NETO2: variants seen among roughly 807,000 people sequenced by gnomAD.
NETO2 encodes the protein neuropilin and tolloid-like protein 2.
In NETO2, 28 loss-of-function variants were observed where a neutral mutation model predicts 62.5. The ratio of observed to expected loss-of-function variants is 0.45; its 90% CI spans 0.33 to 0.61. The LOEUF is 0.61. NETO2 is among the 20% of genes least tolerant of loss of function. The pLI, the probability that NETO2 is intolerant of heterozygous loss-of-function variation, is 0.02. For missense variants in NETO2, 548 were observed against 643.2 expected (o/e 0.85, Z 1.60); for synonymous variants, 214 against 219.1 (o/e 0.98, Z 0.21).
intron 1 of NETO2, among the ~76,000 whole-genome samples, chr16:47,140,657 A>G (rs1016401883): frequency 1.3e-5 from 2 of 152,228 alleles, no homozygotes; most frequent in African/African-American, 4.8e-5. Context: ...AACCCCTGGA[A>G]GGAAAAGCCA....
intron 7 of NETO2, among the ~76,000 whole-genome samples, chr16:47,090,136 A>C (rs1963282719): frequency 6.6e-6 from 1 of 152,090 alleles, no homozygotes; most frequent in Non-Finnish European, 1.5e-5. Context: ...GCTCTTTATA[A>C]CTTCAAAGGT....
intron 1 of NETO2, among the ~76,000 whole-genome samples, chr16:47,140,940 T>A (rs1366227967): frequency 6.6e-6 from 1 of 152,220 alleles, no homozygotes; most frequent in Non-Finnish European, 1.5e-5. Context: ...AAAAATGGAT[T>A]TATAATCCTC....
intron 1 of NETO2, among the ~76,000 whole-genome samples, chr16:47,135,173 T>C (rs1224259698): frequency 6.6e-6 from 1 of 152,248 alleles, no homozygotes; most frequent in East Asian, 1.9e-4. Context: ...AAGGTCTTTG[T>C]ACACTGCTTG....
rs919463699 is a variant in NETO2, at chr16:47,080,749, G to A, written c.*2472C>T. 3 of 152,092 alleles carry A rather than the reference G, an allele frequency of 2.0e-5. No individual in the cohort carries two copies. The highest frequency in any genetic ancestry group is 2.0e-4 in the Admixed American group (3 of 15,266). The allele number at this position is 152,092 out of a possible 1,614,324, so 9.4% of individuals were successfully genotyped here. On this transcript the variant is annotated 3_prime_UTR_variant, in exon 9 of 9. Transcript: ENST00000562435. ...TGACCCTAAACCAATGTTCCTAGAC[G>A]ACATTAAGTTGTGCCTTCACTGGGT...
Position 47,083,262 on chromosome 16 carries a change from G to A in NETO2, c.1537C>T (p.Arg513Ter), listed in dbSNP as rs777279280. 1.2e-5 allele frequency: 19 copies of A among 1,613,566 alleles called. No individual in the cohort carries two copies. Among genetic ancestry groups the A allele is most frequent in the East Asian group, 2.2e-5 (1 of 44,882 alleles). The change falls in exon 9 of 9, where the codon CGA becomes TGA. Residue 513 changes from arginine to a stop codon, truncating the protein, a stop_gained. Transcript: ENST00000562435. LOFTEE classifies it high-confidence loss of function. ...ATGGATGCTTGTGCAGAATCTTCTC[G>A]CCCCCTGACATAAATTTCACAGGGA... The part of the protein sequence containing the change: ...EIPCEIYVRG[R>*]EDSAQASISI...
chr16:47,130,218 G>A (rs1964237098), intron 2 of NETO2, among the ~76,000 whole-genome samples: 1 of 152,168 alleles, frequency 6.6e-6, no homozygotes, highest in South Asian at 2.1e-4. Context: ...CAGATATTGA[G>A]CCTTTAAGCA....
At chr16:47,101,265 G>C (rs1281258376) in intron 7 of NETO2, among the ~76,000 whole-genome samples, 1 of 152,096 alleles carries the variant, frequency 6.6e-6, no homozygotes, top group South Asian at 2.1e-4. Flanking sequence ...CAATAAACCA[G>C]GTATTGATGG....
At position 47,087,175 on chromosome 16, in the gene NETO2, C is replaced by T. The variant is rs797002447; in HGVS notation, c.884-836G>A. On this transcript the variant is annotated intron_variant, in intron 7 of 8. Coordinates refer to ENST00000562435, the MANE Select transcript of NETO2 (RefSeq NM_018092.5). ...TCCAGAGTAGCTGGGACTACAGGCA[C>T]GAGCCATGCCTGGCTAATTTTTGTA... Among the ~76,000 whole-genome samples the T allele has an allele frequency of 7.9e-4, 120 of 152,000 alleles. 1 individual carries two copies. Among genetic ancestry groups the T allele is most frequent in the African/African-American group, 2.4e-3 (98 of 41,472 alleles).
intron 7 of NETO2, among the ~76,000 whole-genome samples, chr16:47,095,160 G>A (rs542609751): frequency 6.6e-6 from 1 of 152,100 alleles, no homozygotes; most frequent in East Asian, 1.9e-4. Context: ...AACTTAAGCA[G>A]TTCATAAAAA....
In NETO2 at chr16:47,078,289, T is replaced by C. The variant is rs1053671365; in HGVS notation, c.*4932A>G. 9.9e-5 allele frequency: 15 copies of C among 152,212 alleles called. No individual in the cohort carries two copies. The highest frequency in any genetic ancestry group is 2.9e-4 in the African/African-American group (12 of 41,442). 9.4% of individuals were successfully genotyped at this position (152,212 alleles called of 1,614,324 possible). ...TAAATTATTTGCCACTTCTAGACTT[T>C]AGAAATTGAGGCAAGCAAGGAAATC... On this transcript the variant is annotated 3_prime_UTR_variant, in exon 9 of 9. Transcript: ENST00000562435.
At position 47,128,483 on chromosome 16, in the gene NETO2, C is replaced by A; in HGVS notation, c.323G>T (p.Arg108Leu). ...AGGAGAGAAACCAAATGGCCCATCT[C>A]GAACTTCCAAGTGATCAAACCGACA... ...FECRFDHLEV[R>L]DGPFGFSPLI... Residue 108 changes from arginine to leucine, a missense_variant, in exon 4 of 9, where the codon CGA (arginine) becomes CTA (leucine). Arg to Leu is a moderately radical substitution (Grantham distance 102). Transcript: ENST00000562435. 6.2e-7 allele frequency: 1 copy of A among 1,614,022 alleles called. No homozygotes were observed.
intron 4 of NETO2, among the ~76,000 whole-genome samples, chr16:47,124,777 C>G (rs1049175270): frequency 6.6e-5 from 10 of 152,150 alleles, no homozygotes; most frequent in Non-Finnish European, 1.0e-4. Flanking sequence ...ACTCAGTTTC[C>G]TCATCTGTAA....
At position 47,083,487 on chromosome 16, in the gene NETO2, G is replaced by A; in HGVS notation, c.1312C>T (p.His438Tyr). The change falls in exon 9 of 9, where the codon CAC becomes TAC. Residue 438 changes from histidine (H) to tyrosine (Y), a missense_variant. Transcript: ENST00000562435. ...SSTASRCIHD[H>Y]HCGSQASSVK... ...CTGGAGGCCTGCGACCCACAGTGGT[G>A]GTCGTGGATGCAGCGGGAGGCGGTG... The A allele has an allele frequency of 6.2e-7, 1 of 1,614,220 alleles. No homozygotes were observed. The highest frequency in any genetic ancestry group is 1.1e-5 in the South Asian group (1 of 91,080).
chr16:47,123,809 T>A (rs1225324595), intron 4 of NETO2, among the ~76,000 whole-genome samples: 1 of 152,178 alleles, frequency 6.6e-6, no homozygotes. Flanking sequence ...GCAATTCTCC[T>A]GCCTCAGCCT....
At chr16:47,113,468 C>G (rs958858909) in intron 6 of NETO2, among the ~76,000 whole-genome samples, 2 of 152,130 alleles carry the variant, frequency 1.3e-5, no homozygotes, top group African/African-American at 4.8e-5. Flanking sequence ...AGCATGTATC[C>G]TTTGAGTCTA....
chr16:47,104,782 C>T (rs1036961646), intron 7 of NETO2, among the ~76,000 whole-genome samples: 7 of 152,244 alleles, frequency 4.6e-5, no homozygotes, highest in Middle Eastern at 6.8e-3. Context: ...TGCAGTGGCA[C>T]GATCTCGGCT....
chr16:47,143,914 G>T lies in NETO2; in HGVS notation c.-302C>A, dbSNP rs951788599. On this transcript the variant is annotated 5_prime_UTR_variant, in exon 1 of 9. Transcript: ENST00000562435. The stretch of plus-strand genomic sequence containing the variant: ...CGGCGCGGGACCGGCAGGCAGCTCC[G>T]CCCGCGGCCCCGGCGCGGGATCCAC... 11 of 188,228 alleles carry T rather than the reference G, an allele frequency of 5.8e-5. No homozygotes were observed. The highest frequency in any genetic ancestry group is 1.8e-4 in the Admixed American group (3 of 16,232). 11.7% of individuals were successfully genotyped at this position (188,228 alleles called of 1,614,324 possible).
At chr16:47,084,617 TCCAATAGAGTAGTATTAAGTATTTCA>T (rs1963145600) in intron 8 of NETO2, among the ~76,000 whole-genome samples, 1 of 152,168 alleles carries the variant, frequency 6.6e-6, no homozygotes, top group Non-Finnish European at 1.5e-5. Flanking sequence ...GAGGCAGAAG[TCCAATAGAGTAGTATTAAGTATTTCA>T]GTGTAAAGAA....
At chr16:47,107,197 A>G (rs1963694577) in intron 7 of NETO2, among the ~76,000 whole-genome samples, 2 of 152,306 alleles carry the variant, frequency 1.3e-5, no homozygotes, top group South Asian at 4.1e-4. Context: ...GCAAAAAGAA[A>G]TCCAGATAGA....
Sources: allele counts gnomAD v4.1 joint callset (sites outside exome capture counted in the v4.1 genomes callset), GRCh38; gene constraint gnomAD v4.1.1; transcripts MANE v1.5; gene names NCBI Gene and HGNC (gene_info 2026-07-23, HGNC 2026-07-21).